The following VSIG4 variants were observed in gnomAD, a reference collection of about 807,000 sequenced individuals.
VSIG4 encodes V-set and immunoglobulin domain containing 4, also known as V-set and immunoglobulin domain-containing protein 4.
In VSIG4, 34 loss-of-function variants were observed where a neutral mutation model predicts 23.4. The observed-to-expected ratio is 1.45, with a 90% CI of 1.10 to 1.93. The LOEUF is 1.93. VSIG4 is among the 30% of genes most tolerant of loss of function. The pLI, the probability that VSIG4 is intolerant of heterozygous loss-of-function variation, is 0.00. For synonymous variants in VSIG4, 169 were observed against 120.3 expected (o/e 1.41, Z -2.65); for missense variants, 433 against 310.8 (o/e 1.39, Z -2.96).
In VSIG4 at chrX:66,022,083, G is replaced by A. The variant is rs1223837896; in HGVS notation, c.*180C>T. The A allele has an allele frequency of 4.3e-6, 5 of 1,164,751 alleles. No individual in the cohort carries two copies. The highest frequency in any genetic ancestry group is 4.6e-6 in the Non-Finnish European group (4 of 872,359). The stretch of plus-strand genomic sequence containing the variant: ...GGCCCAGAGCCAAATCCAGCAGCTG[G>A]CTTACTTGAGATGCATCTGGCAAAT... On this transcript the variant is annotated 3_prime_UTR_variant, in exon 8 of 8. Transcript: ENST00000374737.
intron 7 of VSIG4, 163 bp from the exon 8 acceptor site, chrX:66,022,663 G>A (rs1364951108): frequency 8.9e-7 from 1 of 1,125,861 alleles, no homozygotes; most frequent in African/African-American, 1.8e-5. Flanking sequence ...TGTGTTCAGA[G>A]GGCCAAAACA....
At chrX:66,031,131 A>G (rs1404974445) in intron 3 of VSIG4, among the ~76,000 whole-genome samples, 1 of 111,531 alleles carries the variant, frequency 9.0e-6, no homozygotes, top group African/African-American at 3.3e-5. Context: ...AATGGCGAGC[A>G]CTGCTTAACA....
chrX:66,036,202 T>C (rs772562868), intron 1 of VSIG4, among the ~76,000 whole-genome samples: 4 of 110,712 alleles, frequency 3.6e-5, no homozygotes, highest in Non-Finnish European at 7.6e-5. Context: ...CGTTCCTTTT[T>C]TCTTCCTTCT....
rs770797033 is a variant in VSIG4, at chrX:66,032,468, C to A, written c.694G>T (p.Asp232Tyr). Reference sequence around the variant, plus strand: ...CTCACCAGGAAAGAGGGCCGCTCACCTTTGACCACAAACTTCACAATGTCG... The same window carrying A: ...CTCACCAGGAAAGAGGGCCGCTCACATTTGACCACAAACTTCACAATGTCG... ...HSDIVKFVVKDSSKLLKTKTE... is the reference protein window; with the variant it reads ...HSDIVKFVVKYSSKLLKTKTE... The change falls in exon 3 of 8, where the codon GAC becomes TAC. Residue 232 changes from aspartate to tyrosine, a missense_variant and splice_region_variant. Transcript: ENST00000374737. 6.6e-6 allele frequency: 8 copies of A among 1,208,599 alleles called. No individual in the cohort carries two copies. The South Asian group carries it at 8.8e-5, about 13-fold the overall frequency.
intron 3 of VSIG4, among the ~76,000 whole-genome samples, chrX:66,031,072 TGAG>T (rs1201337874): frequency 9.0e-6 from 1 of 110,863 alleles, no homozygotes; most frequent in Non-Finnish European, 1.9e-5. Flanking sequence ...AGTGGAAGGC[TGAG>T]AATAACTTCC....
chrX:66,036,862 A>ATT (rs1177741298), intron 1 of VSIG4, among the ~76,000 whole-genome samples: 1 of 40,286 alleles, frequency 2.5e-5, no homozygotes, highest in African/African-American at 1.2e-4. Flanking sequence ...TATATATAAT[A>ATT]ATATATTATA....
chrX:66,022,809 G>C (rs895696636), intron 7 of VSIG4, 32 bp downstream of exon 7: 1 of 1,211,138 alleles, frequency 8.3e-7, no homozygotes, highest in Non-Finnish European at 1.1e-6. Context: ...GCAGGGACGG[G>C]GTCAAAAATG....
intron 3 of VSIG4, among the ~76,000 whole-genome samples, chrX:66,031,350 T>G (rs1047499554): frequency 3.7e-5 from 4 of 109,492 alleles, no homozygotes; most frequent in African/African-American, 1.3e-4. Context: ...TGGGACACTG[T>G]TCATATAACT....
intron 7 of VSIG4, 61 bp from the exon 8 acceptor site, chrX:66,022,561 A>C: frequency 8.4e-7 from 1 of 1,183,648 alleles, no homozygotes; most frequent in South Asian, 1.9e-5. Context: ...CTGGTTTCCC[A>C]CCCTTCTGCC....
chrX:66,030,565 G>A (rs1423915955), intron 3 of VSIG4, among the ~76,000 whole-genome samples: 1 of 110,631 alleles, frequency 9.0e-6, no homozygotes, highest in Non-Finnish European at 1.9e-5. Flanking sequence ...TCTGAGCCAA[G>A]AGGAAATGGA....
chrX:66,038,524 TAC>T (rs1206525721), intron 1 of VSIG4, among the ~76,000 whole-genome samples: 3 of 108,524 alleles, frequency 2.8e-5, no homozygotes, highest in Non-Finnish European at 5.8e-5. Context: ...CACACACACA[TAC>T]ACACACACAA....
intron 5 of VSIG4, among the ~76,000 whole-genome samples, chrX:66,026,865 G>A (rs977755217): frequency 9.0e-6 from 1 of 111,581 alleles, no homozygotes; most frequent in Admixed American, 9.5e-5. Flanking sequence ...GGAGGGCTCA[G>A]GGGTTAAGGG....
In VSIG4 at chrX:66,022,877, G is replaced by C; in HGVS notation, c.941-15C>G. On this transcript the variant is annotated splice_polypyrimidine_tract_variant and intron_variant, in intron 6 of 7. Transcript: ENST00000374737. ...GTAGACATGCTCTAGAAAAAAAGGA[G>C]GAATCATGTCAGAAGTTTTCATGGC... The C allele has an allele frequency of 1.7e-6, 2 of 1,210,793 alleles. No homozygotes were observed. Among genetic ancestry groups the C allele is most frequent in the Non-Finnish European group, 2.2e-6 (2 of 894,687 alleles).
rs772034287 is a variant in VSIG4 at position 66,032,714 on chromosome X, C to T, written c.448G>A (p.Gly150Ser). The T allele has an allele frequency of 3.6e-5, 44 of 1,209,447 alleles. No homozygotes were observed. The highest frequency in any genetic ancestry group is 3.3e-4 in the Admixed American group (15 of 45,688). ...VSKPTVTTGSGYGFTVPQGMR... is the reference protein window; with the variant it reads ...VSKPTVTTGSSYGFTVPQGMR... ...CCCTGGGGCACCGTGAAGCCATAACCGCTGCCAGTTGTCACTGTGGGCTTG... is the reference window on the plus strand; with the variant it reads ...CCCTGGGGCACCGTGAAGCCATAACTGCTGCCAGTTGTCACTGTGGGCTTG... Residue 150 changes from glycine (G) to serine (S), a missense_variant, in exon 3 of 8, where the codon GGT becomes AGT. Gly to Ser is a moderately conservative substitution (Grantham distance 56, BLOSUM62 0). Coordinates refer to ENST00000374737, the MANE Select transcript of VSIG4 (RefSeq NM_007268.3).
At chrX:66,025,834 C>A (rs891407122) in intron 5 of VSIG4, among the ~76,000 whole-genome samples, 1 of 112,089 alleles carries the variant, frequency 8.9e-6, no homozygotes, top group African/African-American at 3.2e-5. Flanking sequence ...AGCCAAAGAA[C>A]GTGGGTAGCT....
At chrX:66,039,637 A>T (rs2085660318) in intron 1 of VSIG4, among the ~76,000 whole-genome samples, 1 of 112,181 alleles carries the variant, frequency 8.9e-6, no homozygotes, top group Non-Finnish European at 1.9e-5. Flanking sequence ...CAGCAGATGG[A>T]GGAAAGATTC....
At chrX:66,030,415 C>A (rs767455700) in intron 3 of VSIG4, among the ~76,000 whole-genome samples, 2 of 111,517 alleles carry the variant, frequency 1.8e-5, no homozygotes, top group South Asian at 7.5e-4. Flanking sequence ...GGCTTGCATA[C>A]TGACATATAT....
intron 2 of VSIG4, 108 bp downstream of exon 2, chrX:66,033,366 A>G: frequency 5.9e-6 from 4 of 672,886 alleles, no homozygotes; most frequent in Non-Finnish European, 9.2e-6. Flanking sequence ...ATACCTGTGG[A>G]GAGCCTCTGT....
At chrX:66,028,432 G>T (rs1019921691) in intron 3 of VSIG4, among the ~76,000 whole-genome samples, 1 of 110,665 alleles carries the variant, frequency 9.0e-6, no homozygotes, top group Admixed American at 9.6e-5. Flanking sequence ...TCTCTTGAGA[G>T]AAACTTGGGA....
Sources: gnomAD v4.1 joint callset for allele counts (sites outside exome capture counted in the v4.1 genomes callset) on GRCh38, gnomAD v4.1.1 for gene constraint, MANE v1.5 for transcripts, NCBI Gene and HGNC (gene_info 2026-07-23, HGNC 2026-07-21) for gene names.